Variants in PRKCA observed in about 807,000 individuals in gnomAD.
PRKCA encodes protein kinase C alpha type.
PRKCA carries 27 observed loss-of-function variants against 87.0 expected under a neutral mutation model. The observed-to-expected ratio is 0.31, with a 90% CI of 0.23 to 0.43. The LOEUF is 0.43. Ranked by LOEUF, PRKCA falls within the 20% of genes least tolerant of loss-of-function variation. PRKCA has a pLI of 1.00. For synonymous variants in PRKCA, 329 were observed against 311.1 expected (o/e 1.06, Z -0.61); for missense variants, 518 against 852.3 (o/e 0.61, Z 4.88).
At chr17:66,307,079 C>T (rs776739212) in intron 2 of PRKCA, among the ~76,000 whole-genome samples, 2 of 152,012 alleles carry the variant, frequency 1.3e-5, no homozygotes, top group Non-Finnish European at 2.9e-5. Flanking sequence ...AAATTGGTTG[C>T]CTTTTAAAAA....
At chr17:66,786,644 C>G (rs1329498489) in intron 14 of PRKCA, among the ~76,000 whole-genome samples, 1 of 152,100 alleles carries the variant, frequency 6.6e-6, no homozygotes, top group Non-Finnish European at 1.5e-5. Context: ...TTGCCCAGGG[C>G]AAGATAATTA....
At chr17:66,714,147 C>T (rs545501614) in intron 8 of PRKCA, among the ~76,000 whole-genome samples, 5 of 152,106 alleles carry the variant, frequency 3.3e-5, no homozygotes, top group African/African-American at 7.2e-5. Context: ...TGAAGTGATC[C>T]GATCACACAC....
intron 2 of PRKCA, among the ~76,000 whole-genome samples, chr17:66,423,054 T>G (rs1483036060): frequency 6.6e-6 from 1 of 151,956 alleles, no homozygotes; most frequent in Non-Finnish European, 1.5e-5. Flanking sequence ...GAGGTTGCAG[T>G]GAGCCCAGAT....
At chr17:66,482,200 G>T (rs891748857) in intron 2 of PRKCA, among the ~76,000 whole-genome samples, 5 of 152,030 alleles carry the variant, frequency 3.3e-5, no homozygotes, top group African/African-American at 9.7e-5. Flanking sequence ...GTCTTGCAAG[G>T]CCTTGCCCTT....
intron 2 of PRKCA, among the ~76,000 whole-genome samples, chr17:66,482,046 A>G (rs1412593421): frequency 3.5e-5 from 5 of 142,530 alleles, no homozygotes; most frequent in Non-Finnish European, 7.5e-5. Context: ...GGTTGCAGTG[A>G]GCCAAAATCG....
intron 8 of PRKCA, among the ~76,000 whole-genome samples, chr17:66,727,241 C>A (rs1454586568): frequency 1.3e-5 from 2 of 152,132 alleles, no homozygotes; most frequent in African/African-American, 4.8e-5. Flanking sequence ...CCAGTACACA[C>A]TTGAGAAAGG....
chr17:66,683,500 T>G (rs73328278), intron 5 of PRKCA, among the ~76,000 whole-genome samples: 1 of 152,084 alleles, frequency 6.6e-6, no homozygotes, highest in Non-Finnish European at 1.5e-5. Flanking sequence ...GGGATCAGTG[T>G]TTGACTAAAA....
chr17:66,772,460 T>C (rs1246614056), intron 13 of PRKCA, among the ~76,000 whole-genome samples: 1 of 152,050 alleles, frequency 6.6e-6, no homozygotes, highest in African/African-American at 2.4e-5. Context: ...GCAGAAAGTT[T>C]TATGTCCGAG....
At chr17:66,492,764 A>G (rs1916300911) in intron 2 of PRKCA, among the ~76,000 whole-genome samples, 1 of 152,222 alleles carries the variant, frequency 6.6e-6, no homozygotes, top group African/African-American at 2.4e-5. Flanking sequence ...GAGTTTTGCA[A>G]TCAAGATGCT....
chr17:66,407,408 G>A (rs1271695139), intron 2 of PRKCA, among the ~76,000 whole-genome samples: 1 of 152,120 alleles, frequency 6.6e-6, no homozygotes, highest in South Asian at 2.1e-4. Flanking sequence ...GCTTGCTCCG[G>A]CTTTGCTTTC....
At chr17:66,502,856 TCAC>T (rs1916802765) in intron 3 of PRKCA, among the ~76,000 whole-genome samples, 1 of 151,956 alleles carries the variant, frequency 6.6e-6, no homozygotes, top group South Asian at 2.1e-4. Context: ...AGACAGGGTT[TCAC>T]CATGTTAGCC....
intron 3 of PRKCA, among the ~76,000 whole-genome samples, chr17:66,604,198 T>C (rs1970144127): frequency 6.6e-6 from 1 of 151,840 alleles, no homozygotes; most frequent in African/African-American, 2.4e-5. Context: ...AAATGGATAA[T>C]AGCTCTAAAT....
At chr17:66,394,893 A>C (rs1327298170) in intron 2 of PRKCA, among the ~76,000 whole-genome samples, 1 of 152,150 alleles carries the variant, frequency 6.6e-6, no homozygotes, top group Non-Finnish European at 1.5e-5. Flanking sequence ...AAGTTTCCTG[A>C]GGCCTCCCCA....
At chr17:66,662,318 A>G (rs8068777) in intron 5 of PRKCA, among the ~76,000 whole-genome samples, 95,355 of 151,932 alleles carry the variant, frequency 0.63, 30,018 homozygotes, top group African/African-American at 0.7. Context: ...CTGTGCACAG[A>G]CCTTGACTCA....
At chr17:66,334,748 A>C (rs1228830107) in intron 2 of PRKCA, among the ~76,000 whole-genome samples, 1 of 152,166 alleles carries the variant, frequency 6.6e-6, no homozygotes, top group Admixed American at 6.5e-5. Context: ...CAGCAATTCC[A>C]CTTCTGGGTA....
chr17:66,774,216 C>G, intron 14 of PRKCA, 149 bp downstream of exon 14: 1 of 1,513,726 alleles, frequency 6.6e-7, no homozygotes, highest in South Asian at 1.2e-5. Flanking sequence ...GGAGAAACGC[C>G]CCCTTCAAAG....
At chr17:66,484,674 T>A (rs138762118) in intron 2 of PRKCA, among the ~76,000 whole-genome samples, 1 of 152,326 alleles carries the variant, frequency 6.6e-6, no homozygotes, top group Admixed American at 6.5e-5. Flanking sequence ...TACATTTTCA[T>A]ATATCTGGAA....
chr17:66,740,618 A>T lies in PRKCA; in HGVS notation c.1323-1041A>T, dbSNP rs533543954. On this transcript the variant is annotated intron_variant, in intron 11 of 16. Transcript: ENST00000413366. ...CTGCCTTTATTGATTGTTCCTTTTC[A>T]GTTTTCAGAAATGCCTGTCCTTTTC... 5.3e-5 allele frequency among the ~76,000 whole-genome samples: 8 copies of T among 152,230 alleles called. No individual in the cohort carries two copies. In the East Asian group the frequency reaches 1.4e-3, roughly 26 times the overall value.
intron 13 of PRKCA, among the ~76,000 whole-genome samples, chr17:66,760,534 A>C (rs2144294005): frequency 6.6e-6 from 1 of 152,318 alleles, no homozygotes; most frequent in East Asian, 1.9e-4. Context: ...TCAGCAAAAG[A>C]AAATAAAAAC....
Sources: allele counts gnomAD v4.1 joint callset (sites outside exome capture counted in the v4.1 genomes callset), GRCh38; gene constraint gnomAD v4.1.1; transcripts MANE v1.5; gene names NCBI Gene and HGNC (gene_info 2026-07-23, HGNC 2026-07-21).